CD44: variants seen among roughly 807,000 people sequenced by gnomAD.
The protein encoded by CD44 is CD44 antigen.
In CD44, 49 loss-of-function variants were observed where a neutral mutation model predicts 88.8. That is an observed-to-expected ratio of 0.55 (90% confidence interval 0.44 to 0.70). The LOEUF is 0.70. Among genes scored for constraint, CD44 ranks in the 30% least tolerant of loss-of-function variants. The probability of loss-of-function intolerance (pLI) is 0.00; values close to 1 mark genes in which losing one functional copy is unlikely to be tolerated. For missense variants in CD44, 883 were observed against 913.8 expected (o/e 0.97, Z 0.43); for synonymous variants, 325 against 312.3 (o/e 1.04, Z -0.43).
chr11:35,222,760 G>C, intron 17 of CD44: 1 of 981,224 alleles, frequency 1.0e-6, no homozygotes. Context: ...TCTCCAGGAC[G>C]TAATTCATAG....
At chr11:35,216,789 C>A (rs1185859867) in intron 15 of CD44, among the ~76,000 whole-genome samples, 1 of 152,206 alleles carries the variant, frequency 6.6e-6, no homozygotes, top group African/African-American at 2.4e-5. Context: ...CTTTAACCAT[C>A]AGAGTGGACA....
At chr11:35,179,032 A>T (rs939840366) in intron 2 of CD44, among the ~76,000 whole-genome samples, 1 of 152,172 alleles carries the variant, frequency 6.6e-6, no homozygotes, top group Non-Finnish European at 1.5e-5. Flanking sequence ...ATTACCATTT[A>T]ATTGTGCCCA....
At chr11:35,185,058 G>A (rs1945521936) in intron 3 of CD44, among the ~76,000 whole-genome samples, 1 of 152,186 alleles carries the variant, frequency 6.6e-6, no homozygotes, top group South Asian at 2.1e-4. Context: ...AGGGAGGCAG[G>A]TAGCAGAAGG....
At chr11:35,189,512 AC>A (rs1371260721) in intron 4 of CD44, among the ~76,000 whole-genome samples, 5 of 152,248 alleles carry the variant, frequency 3.3e-5, no homozygotes, top group Non-Finnish European at 7.3e-5. Flanking sequence ...TGAGCACTTT[AC>A]TTACAATGTA....
At chr11:35,196,292 T>C (rs1200697714) in intron 5 of CD44, among the ~76,000 whole-genome samples, 1 of 152,210 alleles carries the variant, frequency 6.6e-6, no homozygotes, top group Non-Finnish European at 1.5e-5. Flanking sequence ...AAATCCAACA[T>C]TTGGAAGAAC....
chr11:35,164,435 A>T (rs17446427), intron 1 of CD44, among the ~76,000 whole-genome samples: 1 of 152,202 alleles, frequency 6.6e-6, no homozygotes. Flanking sequence ...TACATTGCAG[A>T]ATCTTTTCTT....
At chr11:35,227,874 T>C (rs1949814123) in intron 17 of CD44, among the ~76,000 whole-genome samples, 1 of 152,256 alleles carries the variant, frequency 6.6e-6, no homozygotes, top group Admixed American at 6.5e-5. Context: ...ATTGGCTCTG[T>C]CATTCTTACT....
chr11:35,215,296 AGC>A, intron 15 of CD44, among the ~76,000 whole-genome samples: 2 of 152,250 alleles, frequency 1.3e-5, no homozygotes, highest in Non-Finnish European at 2.9e-5. Context: ...TGAGCTTTGT[AGC>A]AAAAATGGCC....
intron 1 of CD44, among the ~76,000 whole-genome samples, chr11:35,168,144 A>T (rs1943508506): frequency 2.0e-5 from 3 of 152,198 alleles, no homozygotes; most frequent in African/African-American, 7.2e-5. Context: ...TCTGATCTTA[A>T]AATAATATTC....
At chr11:35,184,171 C>T (rs117416940) in intron 3 of CD44, among the ~76,000 whole-genome samples, 2 of 152,130 alleles carry the variant, frequency 1.3e-5, no homozygotes, top group Admixed American at 1.3e-4. Context: ...GACATGAGAG[C>T]ATGAGTCTGT....
At chr11:35,172,890 C>T (rs1944061899) in intron 1 of CD44, among the ~76,000 whole-genome samples, 5 of 151,788 alleles carry the variant, frequency 3.3e-5, no homozygotes, top group Admixed American at 3.3e-4. Flanking sequence ...TTTTTCATAG[C>T]ACGTATTTTT....
Position 35,229,187 on chromosome 11 carries a change from A to G in CD44, c.2083A>G (p.Lys695Glu), listed in dbSNP as rs757861397. Reference sequence around the variant, plus strand: ...TGGCAATGGAGCTGTGGAGGACAGAAAGCCAAGTGGACTCAACGGAGAGGC... The same window carrying G: ...TGGCAATGGAGCTGTGGAGGACAGAGAGCCAAGTGGACTCAACGGAGAGGC... The part of the protein sequence containing the change: ...NSGNGAVEDR[K>E]PSGLNGEASK... Residue 695 changes from lysine to glutamate, a missense_variant, in exon 18 of 18, where the codon AAG becomes GAG. By Grantham distance (56) the Lys-to-Glu change is moderately conservative. Transcript: ENST00000428726. 6.2e-7 allele frequency: 1 copy of G among 1,614,138 alleles called. No homozygotes were observed. Among genetic ancestry groups the G allele is most frequent in the Non-Finnish European group, 8.5e-7 (1 of 1,179,974 alleles).
intron 1 of CD44, among the ~76,000 whole-genome samples, chr11:35,157,906 G>C (rs1942109168): frequency 6.6e-6 from 1 of 152,208 alleles, no homozygotes; most frequent in Non-Finnish European, 1.5e-5. Flanking sequence ...GGAGTGCTCG[G>C]TGTGGCTCCC....
chr11:35,224,147 G>A (rs938424689), intron 17 of CD44, among the ~76,000 whole-genome samples: 1 of 152,190 alleles, frequency 6.6e-6, no homozygotes, highest in African/African-American at 2.4e-5. Context: ...AAAATCATTA[G>A]TCTCTGAAGT....
intron 5 of CD44, among the ~76,000 whole-genome samples, chr11:35,190,812 T>A (rs1946194046): frequency 6.6e-6 from 1 of 152,234 alleles, no homozygotes; most frequent in Non-Finnish European, 1.5e-5. Flanking sequence ...TAATCCAGCC[T>A]GTTGGGGAAT....
intron 1 of CD44, among the ~76,000 whole-genome samples, chr11:35,158,737 G>A (rs1200047315): frequency 6.6e-6 from 1 of 152,170 alleles, no homozygotes; most frequent in Admixed American, 6.5e-5. Flanking sequence ...GGCAGGGCGG[G>A]CACACCAGCA....
chr11:35,206,033 T>C, intron 10 of CD44, 79 bp from the exon 11 acceptor site: 2 of 1,463,944 alleles, frequency 1.4e-6, no homozygotes, highest in Non-Finnish European at 9.0e-7. Context: ...AATAAAGTCT[T>C]TTTTAAAAAT....
At position 35,229,660 on chromosome 11, in the gene CD44, A is replaced by G; in HGVS notation, c.*327A>G. ...TACACATATGTATTCCTGATCGCCA[A>G]CCTTTCCCCCACCAGCTAAGGACAT... On this transcript the variant is annotated 3_prime_UTR_variant, in exon 18 of 18. Transcript: ENST00000428726. 3.8e-6 allele frequency: 1 copy of G among 262,180 alleles called. No individual in the cohort carries two copies. The highest frequency in any genetic ancestry group is 7.4e-6 in the Non-Finnish European group (1 of 134,910). 16.2% of individuals were successfully genotyped at this position (262,180 alleles called of 1,614,324 possible).
intron 17 of CD44, chr11:35,222,547 C>T (rs1018677113): frequency 1.6e-5 from 16 of 1,007,208 alleles, no homozygotes; most frequent in Middle Eastern, 2.7e-4. Flanking sequence ...CCACTCTCTC[C>T]CTACCTGAAC....
Sources: allele counts gnomAD v4.1 joint callset (sites outside exome capture counted in the v4.1 genomes callset), GRCh38; gene constraint gnomAD v4.1.1; transcripts MANE v1.5; gene names NCBI Gene and HGNC (gene_info 2026-07-23, HGNC 2026-07-21).